The following UNC13B variants were observed in gnomAD, a reference collection of about 807,000 sequenced individuals.
UNC13B encodes unc-13 homolog B, also known as protein unc-13 homolog B.
A neutral mutation model predicts 211.0 loss-of-function variants in UNC13B; 144 were observed. The observed-to-expected ratio is 0.68, with a 90% CI of 0.60 to 0.78. The LOEUF (loss-of-function observed/expected upper bound fraction) is 0.78, where lower values mean the gene tolerates loss of function less well. Among genes scored for constraint, UNC13B ranks in the 30% least tolerant of loss-of-function variants. UNC13B has a pLI of 0.00. For missense variants in UNC13B, 1,777 were observed against 2,002.0 expected (o/e 0.89, Z 2.14); for synonymous variants, 709 against 725.8 (o/e 0.98, Z 0.37).
chr9:35,250,516 A>G (rs1235049640), intron 6 of UNC13B, among the ~76,000 whole-genome samples: 1 of 152,196 alleles, frequency 6.6e-6, no homozygotes, highest in Non-Finnish European at 1.5e-5. Context: ...TTGCCAAATA[A>G]CATTCCATTG....
chr9:35,381,226 C>G lies in UNC13B; in HGVS notation c.10491+11C>G. 6.2e-7 allele frequency: 1 copy of G among 1,608,174 alleles called. No individual in the cohort carries two copies. Among genetic ancestry groups the G allele is most frequent in the Non-Finnish European group, 8.5e-7 (1 of 1,176,202 alleles). On this transcript the variant is annotated intron_variant, in intron 19 of 39. Coordinates refer to ENST00000635942, the MANE Select transcript of UNC13B (RefSeq NM_001371189.2). ...ACATGTCTCCATGAGGTGAGCCAGC[C>G]CTTGGTAGGTGGGGGATCAGAAAGC... is the stretch of plus-strand genomic sequence containing the variant.
chr9:35,286,066 T>C (rs1344888020), intron 7 of UNC13B, among the ~76,000 whole-genome samples: 2 of 152,048 alleles, frequency 1.3e-5, no homozygotes, highest in Non-Finnish European at 2.9e-5. Flanking sequence ...ATAAGAAACA[T>C]ATATTTTGGT....
chr9:35,184,511 C>G (rs1822221958), intron 1 of UNC13B, among the ~76,000 whole-genome samples: 1 of 152,152 alleles, frequency 6.6e-6, no homozygotes, highest in African/African-American at 2.4e-5. Flanking sequence ...AGTGGGAGAC[C>G]AGCCCGGTCA....
chr9:35,206,685 C>G (rs948891674), intron 1 of UNC13B, among the ~76,000 whole-genome samples: 1 of 151,902 alleles, frequency 6.6e-6, no homozygotes, highest in African/African-American at 2.4e-5. Context: ...ACCATCCTGG[C>G]CAACATGGTG....
intron 11 of UNC13B, among the ~76,000 whole-genome samples, chr9:35,362,583 G>A (rs1417622387): frequency 3.3e-5 from 5 of 152,132 alleles, no homozygotes. Context: ...GCCGAGGTGG[G>A]CGGATCACAA....
At chr9:35,374,786 A>G (rs897044636) in intron 13 of UNC13B, among the ~76,000 whole-genome samples, 3 of 152,164 alleles carry the variant, frequency 2.0e-5, no homozygotes, top group Admixed American at 1.3e-4. Context: ...GTTTCCTACT[A>G]TAGTTCTAAG....
At chr9:35,298,070 G>A (rs906037192) in intron 8 of UNC13B, among the ~76,000 whole-genome samples, 1 of 152,102 alleles carries the variant, frequency 6.6e-6, no homozygotes, top group Non-Finnish European at 1.5e-5. Context: ...TTTATTGATT[G>A]GAGGTTAGTT....
At chr9:35,315,054 AT>A (rs1156782392) in intron 11 of UNC13B, among the ~76,000 whole-genome samples, 3,884 of 135,302 alleles carry the variant, frequency 0.029, 135 homozygotes, top group African/African-American at 0.085. Context: ...TTTAAAAAAA[AT>A]TTTTTTTTTT....
intron 11 of UNC13B, among the ~76,000 whole-genome samples, chr9:35,319,985 A>G (rs1830660198): frequency 6.6e-6 from 1 of 152,194 alleles, no homozygotes; most frequent in Non-Finnish European, 1.5e-5. Context: ...AAATGAGAAT[A>G]TGCAATATAT....
intron 20 of UNC13B, 143 bp downstream of exon 20, chr9:35,381,862 C>T: frequency 9.9e-7 from 1 of 1,010,484 alleles, no homozygotes; most frequent in Non-Finnish European, 1.5e-6. Context: ...TGAGATGGGT[C>T]TATGCCCCAA....
intron 25 of UNC13B, among the ~76,000 whole-genome samples, chr9:35,390,366 G>A (rs979649628): frequency 6.6e-5 from 10 of 152,244 alleles, no homozygotes; most frequent in African/African-American, 1.9e-4. Context: ...TGCCTGGAGA[G>A]TCTCTACCTC....
chr9:35,218,439 T>C (rs1824378578), intron 1 of UNC13B, among the ~76,000 whole-genome samples: 3 of 152,242 alleles, frequency 2.0e-5, no homozygotes, highest in Non-Finnish European at 4.4e-5. Flanking sequence ...AATATATTTA[T>C]TTATTAATTT....
At chr9:35,249,571 C>T (rs554942578) in intron 6 of UNC13B, among the ~76,000 whole-genome samples, 1 of 152,260 alleles carries the variant, frequency 6.6e-6, no homozygotes, top group Admixed American at 6.5e-5. Context: ...AATCTCTCAG[C>T]ATTTGCTTGT....
intron 1 of UNC13B, among the ~76,000 whole-genome samples, chr9:35,169,886 T>C (rs1821242415): frequency 6.6e-6 from 1 of 152,236 alleles, no homozygotes; most frequent in Non-Finnish European, 1.5e-5. Context: ...GACTTTGAGT[T>C]TGTTTAAAGT....
At chr9:35,361,465 A>G (rs192173377) in intron 11 of UNC13B, 4 of 152,290 alleles carry the variant, frequency 2.6e-5, no homozygotes, top group East Asian at 1.9e-4. Flanking sequence ...AGAGACTTAT[A>G]CCTTCTCTGG....
intron 11 of UNC13B, among the ~76,000 whole-genome samples, chr9:35,319,871 G>A (rs943426380): frequency 3.3e-5 from 5 of 151,556 alleles, no homozygotes; most frequent in African/African-American, 1.2e-4. Flanking sequence ...ATGTTTCCTA[G>A]GCTGGTCTTG....
chr9:35,270,578 T>C (rs1228780667), intron 7 of UNC13B, among the ~76,000 whole-genome samples: 1 of 152,136 alleles, frequency 6.6e-6, no homozygotes, highest in Non-Finnish European at 1.5e-5. Context: ...GTCTTTAAGA[T>C]TCTTGAAAGT....
intron 21 of UNC13B, among the ~76,000 whole-genome samples, chr9:35,383,763 T>A (rs546854631): frequency 4.6e-5 from 7 of 152,340 alleles, no homozygotes; most frequent in Middle Eastern, 3.4e-3. Flanking sequence ...CTGCCTGTCC[T>A]GTTATCTTTC....
chr9:35,399,363 T>C (rs199949694), intron 34 of UNC13B, 29 bp from the exon 35 acceptor site: 1 of 1,614,160 alleles, frequency 6.2e-7, no homozygotes. Flanking sequence ...TGGGGTCCTC[T>C]GCTTTTGACT....
Sources: gnomAD v4.1 joint callset for allele counts (sites outside exome capture counted in the v4.1 genomes callset) on GRCh38, gnomAD v4.1.1 for gene constraint, MANE v1.5 for transcripts, NCBI Gene and HGNC (gene_info 2026-07-23, HGNC 2026-07-21) for gene names.